STRN3: variants seen among roughly 807,000 people sequenced by gnomAD.
STRN3 encodes striatin 3, also known as striatin-3.
Under a neutral mutation model 95.6 loss-of-function variants are expected in STRN3, and 29 were observed. The ratio of observed to expected loss-of-function variants is 0.30; its 90% CI spans 0.23 to 0.41. The LOEUF is 0.41. STRN3 is among the 10% of genes least tolerant of loss of function. The probability of loss-of-function intolerance (pLI) is 1.00; values close to 1 mark genes in which losing one functional copy is unlikely to be tolerated. For synonymous variants in STRN3, 331 were observed against 357.6 expected, an observed-to-expected ratio of 0.93 and a Z score of 0.84; for missense variants, 890 against 972.1, an observed-to-expected ratio of 0.92 and a Z score of 1.12.
chr14:30,912,178 G>A lies in STRN3; in HGVS notation c.1379C>T (p.Pro460Leu), dbSNP rs780540146. 8 of 1,610,822 alleles carry A rather than the reference G, an allele frequency of 5.0e-6. No individual in the cohort carries two copies. The highest frequency in any genetic ancestry group is 6.8e-6 in the Non-Finnish European group (8 of 1,179,082). ...TNDADYSYDL[P>L]ANKDAFRKTW... The stretch of plus-strand genomic sequence containing the variant: ...CTTTCGAAAGGCATCTTTATTAGCA[G>A]GCAACTAAAAGGAAAGAGCACAATA... The change falls in exon 11 of 18, where the codon CCT becomes CTT. Residue 460 changes from proline (P) to leucine (L), a missense_variant. Transcript: ENST00000357479.
At chr14:30,930,738 T>C (rs1377138171) in intron 7 of STRN3, among the ~76,000 whole-genome samples, 6 of 152,150 alleles carry the variant, frequency 3.9e-5, no homozygotes, top group Non-Finnish European at 8.8e-5. Flanking sequence ...TGTATTCAAA[T>C]CATGAAGTTT....
chr14:30,957,518 C>T (rs1023676175), intron 1 of STRN3, among the ~76,000 whole-genome samples: 4 of 151,892 alleles, frequency 2.6e-5, no homozygotes, highest in Admixed American at 2.0e-4. Flanking sequence ...TACCACCCCA[C>T]TCCAAATTCC....
rs373435629 is a variant in STRN3 at position 30,902,677 on chromosome 14, C to T, written c.2030-34G>A. 5.8e-6 allele frequency: 8 copies of T among 1,378,324 alleles called. 1 individual carries two copies. The East Asian group carries it at 7.2e-5, about 12-fold the overall frequency. 85.4% of individuals were successfully genotyped at this position (1,378,324 alleles called of 1,614,324 possible). ...TAAAGGAAGACAATAAGTTAAAATT[C>T]AAACCTTTAATAAGAAGTTGGATAA... On this transcript the variant is annotated intron_variant, in intron 15 of 17. Transcript: ENST00000357479.
intron 7 of STRN3, chr14:30,931,936 C>G (rs1208296866): frequency 2.0e-5 from 3 of 152,194 alleles, no homozygotes; most frequent in African/African-American, 7.2e-5. Context: ...TAAGACAAGA[C>G]TTACTTTTTA....
chr14:30,929,444 G>A (rs1878369478), intron 7 of STRN3, 133 bp from the exon 8 acceptor site: 2 of 671,542 alleles, frequency 3.0e-6, no homozygotes, highest in Non-Finnish European at 5.0e-6. Context: ...CTTTAAAGGT[G>A]CAGTCTCAGT....
At chr14:31,006,619 T>C (rs1014869273) in intron 1 of STRN3, among the ~76,000 whole-genome samples, 15 of 151,970 alleles carry the variant, frequency 9.9e-5, no homozygotes, top group Non-Finnish European at 1.9e-4. Context: ...CACTTGAACC[T>C]GGGAGGCAGA....
chr14:30,929,979 A>AAACAAAAAAAAAAAC (rs1566441550), intron 7 of STRN3, among the ~76,000 whole-genome samples: 4 of 147,480 alleles, frequency 2.7e-5, no homozygotes, highest in Non-Finnish European at 3.0e-5. Flanking sequence ...AAAAAAAAAA[A>AAACAAAAAAAAAAAC]CTCAAATTCC....
chr14:31,017,172 A>C (rs1883278682), intron 1 of STRN3, among the ~76,000 whole-genome samples: 1 of 151,932 alleles, frequency 6.6e-6, no homozygotes, highest in Admixed American at 6.6e-5. Flanking sequence ...AGTTTTAAAA[A>C]GTGTAACAAC....
At chr14:30,910,975 T>G in intron 13 of STRN3, 66 bp downstream of exon 13, 1 of 1,542,944 alleles carries the variant, frequency 6.5e-7, no homozygotes. Context: ...TGTAATCATA[T>G]TTGAGGTATT....
In STRN3 at chr14:30,894,894, T is replaced by TC; in HGVS notation, c.*516_*517insG. 2.9e-6 allele frequency: 1 copy of TC among 343,210 alleles called. No homozygotes were observed. The highest frequency in any genetic ancestry group is 1.9e-4 in the Admixed American group (1 of 5,246). 21.3% of individuals were successfully genotyped at this position (343,210 alleles called of 1,614,324 possible). ...TATTTTAAGTTAAATTTTCTTTTTCTTTTTTTTTTTTTTTAAAGCAAAATA... is the reference window on the plus strand; with the variant it reads ...TATTTTAAGTTAAATTTTCTTTTTCTCTTTTTTTTTTTTTTAAAGCAAAATA... On this transcript the variant is annotated 3_prime_UTR_variant, in exon 18 of 18. Transcript: ENST00000357479.
chr14:30,915,080 T>C (rs536852561), intron 9 of STRN3, among the ~76,000 whole-genome samples: 1 of 152,246 alleles, frequency 6.6e-6, no homozygotes, highest in Non-Finnish European at 1.5e-5. Flanking sequence ...TAAAACTCAA[T>C]ATATCAAAAC....
At chr14:31,024,537 C>T (rs1883688669) in intron 1 of STRN3, among the ~76,000 whole-genome samples, 1 of 151,942 alleles carries the variant, frequency 6.6e-6, no homozygotes, top group Admixed American at 6.6e-5. Flanking sequence ...ACAAGTGTTA[C>T]TTTTTTTTAA....
chr14:30,965,496 G>C (rs1466177988), intron 1 of STRN3, among the ~76,000 whole-genome samples: 4 of 151,970 alleles, frequency 2.6e-5, no homozygotes, highest in Non-Finnish European at 5.9e-5. Flanking sequence ...ATACCAGCCT[G>C]GGCAACACAG....
chr14:31,017,356 G>A lies in STRN3; in HGVS notation c.282+8548C>T, dbSNP rs181586521. ...CTACTAAAAATACAAAAAATTAGCC[G>A]GGCGTGGTGGCGGGTGCCTGTAGTC... On this transcript the variant is annotated intron_variant, in intron 1 of 17. Transcript: ENST00000357479. Among the ~76,000 whole-genome samples, 344 of 146,438 alleles carry A rather than the reference G, an allele frequency of 2.3e-3. 1 individual carries two copies. The highest frequency in any genetic ancestry group is 7.9e-3 in the African/African-American group (313 of 39,458).
intron 1 of STRN3, among the ~76,000 whole-genome samples, chr14:30,998,819 G>GT (rs1681969468): frequency 6.6e-6 from 1 of 152,142 alleles, no homozygotes; most frequent in Non-Finnish European, 1.5e-5. Context: ...AATGTCTATA[G>GT]TTTTTTAGTC....
chr14:31,015,910 A>G (rs1191053577), intron 1 of STRN3, among the ~76,000 whole-genome samples: 2 of 152,124 alleles, frequency 1.3e-5, no homozygotes. Context: ...GCAATCCTCC[A>G]TCTCACTCCT....
At chr14:30,921,637 T>C (rs1387228489) in intron 8 of STRN3, among the ~76,000 whole-genome samples, 1 of 152,134 alleles carries the variant, frequency 6.6e-6, no homozygotes, top group African/African-American at 2.4e-5. Flanking sequence ...TCTAAACCTA[T>C]CCAATATTCT....
intron 1 of STRN3, among the ~76,000 whole-genome samples, chr14:31,006,013 C>A (rs1882692530): frequency 6.7e-6 from 1 of 150,234 alleles, no homozygotes; most frequent in African/African-American, 2.5e-5. Flanking sequence ...CTCAGCTACT[C>A]AGGAGGGAGG....
At chr14:30,990,163 T>G (rs936631701) in intron 1 of STRN3, among the ~76,000 whole-genome samples, 7 of 150,910 alleles carry the variant, frequency 4.6e-5, no homozygotes, top group Admixed American at 4.0e-4. Context: ...GAGGGCACTA[T>G]GACTTTTTTT....
Sources: gnomAD v4.1 joint callset for allele counts (sites outside exome capture counted in the v4.1 genomes callset) on GRCh38, gnomAD v4.1.1 for gene constraint, MANE v1.5 for transcripts, NCBI Gene and HGNC (gene_info 2026-07-23, HGNC 2026-07-21) for gene names.